AGBL4: variants seen among roughly 807,000 people sequenced by gnomAD.
AGBL4 encodes AGBL carboxypeptidase 4, also known as cytosolic carboxypeptidase 6.
AGBL4 carries 58 observed loss-of-function variants against 66.4 expected under a neutral mutation model. The observed-to-expected ratio is 0.87, with a 90% confidence interval of 0.71 to 1.09. AGBL4 has a LOEUF of 1.09. AGBL4 is among the 50% of genes least tolerant of loss of function. The probability of loss-of-function intolerance (pLI) is 0.00; values close to 1 mark genes in which losing one functional copy is unlikely to be tolerated. For missense variants in AGBL4, 579 were observed against 631.0 expected (o/e 0.92, Z 0.88); for synonymous variants, 234 against 222.9 (o/e 1.05, Z -0.44).
intron 3 of AGBL4, among the ~76,000 whole-genome samples, chr1:49,463,630 T>A (rs1380191206): frequency 6.6e-6 from 1 of 151,676 alleles, no homozygotes; most frequent in Non-Finnish European, 1.5e-5. Context: ...AAGACATTCA[T>A]TAGAAAAGGA....
intron 6 of AGBL4, among the ~76,000 whole-genome samples, chr1:48,778,027 G>A (rs963593399): frequency 4.6e-5 from 7 of 152,170 alleles, no homozygotes; most frequent in Non-Finnish European, 8.8e-5. Flanking sequence ...TACCTTCACA[G>A]GGATGCCTCG....
chr1:48,648,635 G>C (rs1457588663), intron 8 of AGBL4, among the ~76,000 whole-genome samples: 2 of 152,204 alleles, frequency 1.3e-5, no homozygotes, highest in Non-Finnish European at 2.9e-5. Context: ...CTATGGCCTT[G>C]AACATGGCTC....
intron 5 of AGBL4, among the ~76,000 whole-genome samples, chr1:49,021,714 G>A (rs1663265774): frequency 6.6e-6 from 1 of 152,158 alleles, no homozygotes; most frequent in Non-Finnish European, 1.5e-5. Context: ...GACATAGTAT[G>A]TGGGAGAAAA....
chr1:48,909,442 G>C (rs1460098157), intron 5 of AGBL4, among the ~76,000 whole-genome samples: 1 of 152,166 alleles, frequency 6.6e-6, no homozygotes, highest in East Asian at 1.9e-4. Context: ...AGAGATGTTG[G>C]CTTTAAACTC....
chr1:48,534,098 A>G lies in AGBL4; in HGVS notation c.*75T>C. ...ATCCACAAATCCTTGGAAGCTAGAG[A>G]AGAGTGATTAATTTCATTCCCCAGC... On this transcript the variant is annotated 3_prime_UTR_variant, in exon 14 of 14. Transcript: ENST00000371839. 1.3e-6 allele frequency: 2 copies of G among 1,545,348 alleles called. No homozygotes were observed. Among genetic ancestry groups the G allele is most frequent in the African/African-American group, 1.4e-5 (1 of 72,976 alleles).
chr1:49,099,912 C>T (rs1053410073), intron 4 of AGBL4, among the ~76,000 whole-genome samples: 1 of 152,184 alleles, frequency 6.6e-6, no homozygotes, highest in African/African-American at 2.4e-5. Flanking sequence ...CTGTCTGTCT[C>T]TTTAATATAT....
At chr1:49,219,544 A>G (rs1649339655) in intron 4 of AGBL4, among the ~76,000 whole-genome samples, 1 of 152,162 alleles carries the variant, frequency 6.6e-6, no homozygotes, top group African/African-American at 2.4e-5. Context: ...CATAAGGCTG[A>G]CATGGACAAA....
In AGBL4 at chr1:48,645,773, A is replaced by G. The variant is rs139037114; in HGVS notation, c.839+7564T>C. On this transcript the variant is annotated intron_variant, in intron 8 of 13. Transcript: ENST00000371839. The stretch of plus-strand genomic sequence containing the variant: ...GTAGATGTTAGCCATCATCATCACT[A>G]TTACCATTATAATGATATCCTTCAG... 7.8e-3 allele frequency among the ~76,000 whole-genome samples: 1,192 copies of G among 152,288 alleles called. 11 individuals carry two copies. The highest frequency in any genetic ancestry group is 0.01 in the Admixed American group (156 of 15,296).
At chr1:48,596,107 G>A (rs1191287020) in intron 9 of AGBL4, among the ~76,000 whole-genome samples, 1 of 152,226 alleles carries the variant, frequency 6.6e-6, no homozygotes, top group Non-Finnish European at 1.5e-5. Context: ...AGATGTGGCA[G>A]AGTCGGGACT....
intron 1 of AGBL4, among the ~76,000 whole-genome samples, chr1:49,935,071 T>C (rs1653809917): frequency 6.6e-6 from 1 of 152,230 alleles, no homozygotes; most frequent in Non-Finnish European, 1.5e-5. Flanking sequence ...GGGAGTTCCC[T>C]TTCTGAGTCA....
chr1:49,767,397 T>G (rs1326553990), intron 2 of AGBL4, among the ~76,000 whole-genome samples: 1 of 151,830 alleles, frequency 6.6e-6, no homozygotes, highest in Non-Finnish European at 1.5e-5. Flanking sequence ...ATAAAAAAAA[T>G]TATGTGAAAT....
At position 48,763,343 on chromosome 1, in the gene AGBL4, C is replaced by T. The variant is rs1157983655; in HGVS notation, c.635-100102G>A. 1.6e-4 allele frequency among the ~76,000 whole-genome samples: 25 copies of T among 152,144 alleles called. 1 individual carries two copies. The highest frequency in any genetic ancestry group is 1.6e-3 in the Admixed American group (25 of 15,278). ...TTAGGCATGAACAACAATAGGGACT[C>T]AGGGTTTTCTAAAAGAGCAACAGTT... On this transcript the variant is annotated intron_variant, in intron 6 of 13. Transcript: ENST00000371839.
intron 1 of AGBL4, among the ~76,000 whole-genome samples, chr1:49,882,595 G>T (rs1647506903): frequency 6.6e-6 from 1 of 152,046 alleles, no homozygotes; most frequent in Admixed American, 6.6e-5. Context: ...CCTTGAAGAG[G>T]TCCTTCACAT....
chr1:48,556,324 G>C (rs897812327), intron 11 of AGBL4, among the ~76,000 whole-genome samples: 2 of 152,086 alleles, frequency 1.3e-5, no homozygotes, highest in Non-Finnish European at 1.5e-5. Flanking sequence ...GGGCCAGCTG[G>C]CCTGTCTGTC....
intron 3 of AGBL4, among the ~76,000 whole-genome samples, chr1:49,299,464 G>A (rs934441083): frequency 1.3e-5 from 2 of 152,092 alleles, no homozygotes; most frequent in Admixed American, 6.6e-5. Flanking sequence ...CTAACTCAAT[G>A]GCTCAAATAA....
chr1:49,371,248 GATACATACATACATAC>G (rs760739499), intron 3 of AGBL4, among the ~76,000 whole-genome samples: 8 of 137,880 alleles, frequency 5.8e-5, no homozygotes, highest in African/African-American at 8.1e-5. Flanking sequence ...TAGATAGATA[GATACATACATACATAC>G]ATACATACAT....
chr1:48,602,928 A>G (rs1297981364), intron 9 of AGBL4, among the ~76,000 whole-genome samples: 1 of 152,194 alleles, frequency 6.6e-6, no homozygotes, highest in Non-Finnish European at 1.5e-5. Context: ...TTAAATGTAC[A>G]TATGCCTTTC....
chr1:49,824,103 G>C (rs970384082), intron 2 of AGBL4, among the ~76,000 whole-genome samples: 35 of 152,076 alleles, frequency 2.3e-4, no homozygotes, highest in African/African-American at 8.0e-4. Flanking sequence ...CAGCTACTTG[G>C]GAGGCTCAGA....
chr1:49,407,058 C>T (rs1392110679), intron 3 of AGBL4, among the ~76,000 whole-genome samples: 6 of 108,984 alleles, frequency 5.5e-5, no homozygotes, highest in Non-Finnish European at 8.3e-5. Context: ...GAGTGAGACT[C>T]TGCCTCCAAA....
Sources: allele counts gnomAD v4.1 joint callset (sites outside exome capture counted in the v4.1 genomes callset), GRCh38; gene constraint gnomAD v4.1.1; transcripts MANE v1.5; gene names NCBI Gene and HGNC (gene_info 2026-07-23, HGNC 2026-07-21).